Variants in TACC2 observed in about 807,000 individuals in gnomAD.
TACC2 encodes the protein transforming acidic coiled-coil containing protein 2.
In TACC2, 137 loss-of-function variants were observed where a neutral mutation model predicts 227.3. That is an observed-to-expected ratio of 0.60 (90% CI 0.52 to 0.69). The LOEUF is 0.69. TACC2 is among the 30% of genes least tolerant of loss of function. The probability of loss-of-function intolerance (pLI) is 0.00; values close to 1 mark genes in which losing one functional copy is unlikely to be tolerated. For synonymous variants in TACC2, 1,523 were observed against 1,487.5 expected (o/e 1.02, Z -0.55); for missense variants, 3,470 against 3,694.4 (o/e 0.94, Z 1.57).
At chr10:122,154,774 A>G (rs1028179571) in intron 7 of TACC2, among the ~76,000 whole-genome samples, 1 of 152,190 alleles carries the variant, frequency 6.6e-6, no homozygotes, top group Non-Finnish European at 1.5e-5. Flanking sequence ...TATTTTTAGG[A>G]CTTGCAAACA....
chr10:122,029,648 G>T (rs11591885), intron 2 of TACC2, among the ~76,000 whole-genome samples: 1 of 152,260 alleles, frequency 6.6e-6, no homozygotes, highest in Admixed American at 6.5e-5. Flanking sequence ...GCTGGCTGGG[G>T]TTGGCTTCGG....
chr10:122,096,549 C>A (rs10887065), intron 5 of TACC2, among the ~76,000 whole-genome samples: 122,866 of 152,040 alleles, frequency 0.81, 50,211 homozygotes, highest in Non-Finnish European at 0.88. Context: ...ATACAAAATT[C>A]GCTGGGCAGG....
chr10:122,172,751 A>G (rs2093537807), intron 7 of TACC2, among the ~76,000 whole-genome samples: 1 of 151,998 alleles, frequency 6.6e-6, no homozygotes, highest in Admixed American at 6.5e-5. Context: ...TGGGGGAGTG[A>G]GGAGCATCCC....
chr10:122,037,269 G>A (rs1049681301), intron 2 of TACC2, among the ~76,000 whole-genome samples: 4 of 152,230 alleles, frequency 2.6e-5, no homozygotes, highest in African/African-American at 9.6e-5. Flanking sequence ...CAGGGAGCTG[G>A]GTGAGGGCTC....
intron 7 of TACC2, among the ~76,000 whole-genome samples, chr10:122,189,624 G>A (rs572646773): frequency 6.6e-6 from 1 of 152,348 alleles, no homozygotes; most frequent in East Asian, 1.9e-4. Context: ...TTCATGTTGG[G>A]AGCTGCAAAG....
intron 17 of TACC2, 118 bp downstream of exon 17, chr10:122,237,656 G>A: frequency 7.8e-7 from 1 of 1,279,516 alleles, no homozygotes; most frequent in Admixed American, 2.5e-5. Context: ...TGCAGGCAAA[G>A]ATGTGTGGCA....
chr10:122,241,779 G>T, intron 18 of TACC2, 179 bp from the exon 19 acceptor site: 1 of 644,346 alleles, frequency 1.6e-6, no homozygotes. Flanking sequence ...TTGCACAAGG[G>T]AGTGGCATAT....
At chr10:122,088,329 T>C (rs2080313742) in intron 4 of TACC2, 149 bp from the exon 5 acceptor site, 3 of 707,746 alleles carry the variant, frequency 4.2e-6, no homozygotes, top group Non-Finnish European at 6.8e-6. Context: ...TGGATTTATT[T>C]AGTCAGGGGG....
At chr10:122,088,677 C>T (rs1487180681) in intron 5 of TACC2, 86 bp downstream of exon 5, 2 of 1,556,638 alleles carry the variant, frequency 1.3e-6, no homozygotes, top group Non-Finnish European at 1.7e-6. Context: ...GAGAGTAGTC[C>T]TTATACAGCA....
rs754121824 is a variant in TACC2 at position 122,086,468 on chromosome 10, T to C, written c.3968T>C (p.Val1323Ala). ...AAAGCCAGAACCACTGAGGGACCAG[T>C]GGACTCCATGCCATGCCTGGACCGG... is the stretch of plus-strand genomic sequence containing the variant. The part of the protein sequence containing the change: ...SPKARTTEGP[V>A]DSMPCLDRMP... Residue 1323 changes from valine (V) to alanine (A), a missense_variant, in exon 4 of 23, where the codon GTG (valine) becomes GCG (alanine). Around this residue, in one of 10 missense-constraint regions of TACC2, gnomAD observed 1,924 missense variants for 1,978.3 expected, o/e 0.97. Transcript: ENST00000369005. 8 of 1,613,746 alleles carry C rather than the reference T, an allele frequency of 5.0e-6. No individual in the cohort carries two copies. Among genetic ancestry groups the C allele is most frequent in the Non-Finnish European group, 5.9e-6 (7 of 1,180,002 alleles).
At chr10:122,142,473 A>G (rs1339888219) in intron 6 of TACC2, among the ~76,000 whole-genome samples, 1 of 152,210 alleles carries the variant, frequency 6.6e-6, no homozygotes, top group Non-Finnish European at 1.5e-5. Flanking sequence ...TCCTCTGTCC[A>G]GTGTACAGTG....
At chr10:122,199,541 AGG>A (rs1408700660) in intron 8 of TACC2, among the ~76,000 whole-genome samples, 2 of 152,212 alleles carry the variant, frequency 1.3e-5, no homozygotes, top group Non-Finnish European at 2.9e-5. Context: ...GCAGGGGCAC[AGG>A]GGTGGGTGTC....
chr10:122,253,638 C>T (rs538387242), intron 22 of TACC2, among the ~76,000 whole-genome samples: 1 of 152,366 alleles, frequency 6.6e-6, no homozygotes, highest in East Asian at 1.9e-4. Flanking sequence ...CAGATCACAT[C>T]CTTCCCGGGC....
intron 4 of TACC2, 88 bp downstream of exon 4, chr10:122,088,047 T>C: frequency 7.3e-7 from 1 of 1,370,792 alleles, no homozygotes; most frequent in Non-Finnish European, 9.5e-7. Flanking sequence ...GTCGCATAGG[T>C]GAGTGGTTTT....
intron 5 of TACC2, among the ~76,000 whole-genome samples, chr10:122,095,683 G>C (rs2081300648): frequency 6.6e-6 from 1 of 152,204 alleles, no homozygotes; most frequent in Non-Finnish European, 1.5e-5. Flanking sequence ...TCAGAACGCT[G>C]ATCATTCTCT....
intron 3 of TACC2, among the ~76,000 whole-genome samples, chr10:122,061,983 T>A (rs4528251): frequency 0.7 from 103,774 of 148,236 alleles, 37,688 homozygotes; most frequent in Non-Finnish European, 0.8. Flanking sequence ...AACAGAATTT[T>A]AGAAGGACTA....
At chr10:122,036,078 T>C (rs570887820) in intron 2 of TACC2, among the ~76,000 whole-genome samples, 1 of 152,366 alleles carries the variant, frequency 6.6e-6, no homozygotes, top group South Asian at 2.1e-4. Flanking sequence ...CTGGGTTATT[T>C]CACTAAAGCG....
intron 3 of TACC2, among the ~76,000 whole-genome samples, chr10:122,059,427 T>C (rs2136368507): frequency 6.6e-6 from 1 of 152,132 alleles, no homozygotes; most frequent in Non-Finnish European, 1.5e-5. Context: ...AAGAATCCCA[T>C]GAGATTCTCA....
chr10:122,107,887 T>TTTC (rs2083050335), intron 5 of TACC2, among the ~76,000 whole-genome samples: 1 of 47,004 alleles, frequency 2.1e-5, no homozygotes, highest in Non-Finnish European at 5.8e-5. Context: ...TATATTTTTT[T>TTTC]TTTCTTTTTT....
Sources: gnomAD v4.1 joint callset for allele counts (sites outside exome capture counted in the v4.1 genomes callset) on GRCh38, gnomAD v4.1.1 for gene constraint, gnomAD v4.1.1 regional missense constraint, MANE v1.5 for transcripts, NCBI Gene and HGNC (gene_info 2026-07-23, HGNC 2026-07-21) for gene names.